Variants in MYO1H observed in about 807,000 individuals in gnomAD.
The protein encoded by MYO1H is myosin IH, also known as unconventional myosin-Ih.
Under a neutral mutation model 149.3 loss-of-function variants are expected in MYO1H, and 118 were observed. That is an observed-to-expected ratio of 0.79 (90% confidence interval 0.68 to 0.92). MYO1H has a LOEUF of 0.92. Ranked by LOEUF, MYO1H falls within the 40% of genes least tolerant of loss-of-function variation. The probability of loss-of-function intolerance (pLI) is 0.00; values close to 1 mark genes in which losing one functional copy is unlikely to be tolerated. For synonymous variants in MYO1H, 447 were observed against 465.2 expected (o/e 0.96, Z 0.50); for missense variants, 1,212 against 1,280.7 (o/e 0.95, Z 0.82).
At chr12:109,337,949 A>G in the MYO1H span, among the ~76,000 whole-genome samples, 1 of 152,190 alleles carries the variant, frequency 6.6e-6, no homozygotes. Flanking sequence ...GGATCTCTAC[A>G]TAGGTACAAA....
intron 27 of MYO1H, among the ~76,000 whole-genome samples, chr12:109,442,524 T>C (rs993209325): frequency 2.0e-5 from 3 of 152,180 alleles, no homozygotes; most frequent in African/African-American, 7.2e-5. Flanking sequence ...CAAAATTGAA[T>C]GAAGTGTAGC....
chr12:109,416,814 C>T (rs1429355584), intron 15 of MYO1H, among the ~76,000 whole-genome samples: 2 of 152,066 alleles, frequency 1.3e-5, no homozygotes, highest in African/African-American at 2.4e-5. Flanking sequence ...ATAGTGAAGC[C>T]CCATCTCTAC....
rs1452399919 is a variant in MYO1H, at chr12:109,442,133, A to G, written c.2633-84A>G. 2.6e-6 allele frequency: 3 copies of G among 1,137,366 alleles called. No individual in the cohort carries two copies. The South Asian group carries it at 3.8e-5, about 14-fold the overall frequency. 70.5% of individuals were successfully genotyped at this position (1,137,366 alleles called of 1,614,324 possible). A position where few individuals can be genotyped will look rare whatever the true frequency, so the allele number is the denominator to read the frequency against. Reference sequence around the variant, plus strand: ...ACCTGAGATCTTAGCACAGAGATGCATAACAAAACTAGCAGATACCAATGA... The same window carrying G: ...ACCTGAGATCTTAGCACAGAGATGCGTAACAAAACTAGCAGATACCAATGA... On this transcript the variant is annotated intron_variant, in intron 26 of 31. Transcript: ENST00000310903.
At position 109,361,517 on chromosome 12, in the gene MYO1H, A is replaced by AT. The variant is rs1470509935; in HGVS notation, c.12+13545_12+13546insT. Among the ~76,000 whole-genome samples, 6 of 152,328 alleles carry AT rather than the reference A, an allele frequency of 3.9e-5. No individual in the cohort carries two copies. In the East Asian group the frequency reaches 1.2e-3, roughly 29 times the overall value. Reference sequence around the variant, plus strand: ...TTATGTCTTAATATGTGTCACAAAAACTAGCAGGCCAGGTGCAGTGGCTCA... The same window carrying AT: ...TTATGTCTTAATATGTGTCACAAAAATCTAGCAGGCCAGGTGCAGTGGCTCA... On this transcript the variant is annotated intron_variant, in intron 1 of 31. Coordinates refer to ENST00000310903, the Ensembl canonical transcript of MYO1H.
chr12:109,434,058 A>G (rs1303649837), intron 20 of MYO1H, among the ~76,000 whole-genome samples: 2 of 152,082 alleles, frequency 1.3e-5, no homozygotes, highest in African/African-American at 4.8e-5. Context: ...TCTGTCACCC[A>G]GGCTGCAGTG....
upstream of MYO1H, among the ~76,000 whole-genome samples, chr12:109,344,925 A>G (rs958014387): frequency 3.3e-5 from 5 of 152,230 alleles, no homozygotes; most frequent in African/African-American, 1.2e-4. Flanking sequence ...GCCACATGCA[A>G]TGTTATAAAG....
At chr12:109,404,820 TAAAC>T (rs747493068) in intron 7 of MYO1H, among the ~76,000 whole-genome samples, 34 of 151,530 alleles carry the variant, frequency 2.2e-4, no homozygotes, top group Non-Finnish European at 3.5e-4. Context: ...GTAGAATTTA[TAAAC>T]AATTTGTTTT....
At chr12:109,401,961 A>C (rs1870187186) in intron 6 of MYO1H, among the ~76,000 whole-genome samples, 1 of 152,084 alleles carries the variant, frequency 6.6e-6, no homozygotes, top group Non-Finnish European at 1.5e-5. Flanking sequence ...GCTGGTCTCA[A>C]ACTCCTGAGC....
At chr12:109,367,292 C>G (rs1458738953) in intron 1 of MYO1H, among the ~76,000 whole-genome samples, 1 of 151,988 alleles carries the variant, frequency 6.6e-6, no homozygotes, top group Admixed American at 6.6e-5. Context: ...CTCCTTAGAC[C>G]CTTAGGAAGG....
At chr12:109,399,389 C>T (rs988832458) in intron 5 of MYO1H, among the ~76,000 whole-genome samples, 2 of 151,232 alleles carry the variant, frequency 1.3e-5, no homozygotes, top group African/African-American at 2.4e-5. Flanking sequence ...GTCAGGAGTT[C>T]GAGACCAGCC....
intron 10 of MYO1H, among the ~76,000 whole-genome samples, chr12:109,409,212 TCTC>T (rs1195775045): frequency 5.4e-5 from 7 of 128,644 alleles, no homozygotes; most frequent in Admixed American, 1.8e-4. Context: ...TCCTTCTTCT[TCTC>T]CTTCTTCTTT....
the MYO1H span, among the ~76,000 whole-genome samples, chr12:109,318,966 GGTTTTGTTTTTTTT>G: frequency 1.6e-5 from 1 of 61,238 alleles, no homozygotes; most frequent in African/African-American, 7.5e-5. Context: ...CTGCGTTTTT[GGTTTTGTTTTTTTT>G]TTTTTTTTTT....
At position 109,424,846 on chromosome 12, in the gene MYO1H, C is replaced by T. The variant is rs1025286369; in HGVS notation, c.1725+18C>T. ...CCCCAACAGTGAGTGGGAAAAACAC[C>T]CATGCAAAATTGGATCTCACCAGAG... On this transcript the variant is annotated intron_variant, in intron 17 of 31. Transcript: ENST00000310903. The T allele has an allele frequency of 2.5e-6, 4 of 1,608,164 alleles. No individual in the cohort carries two copies. The African/African-American group carries it at 5.4e-5, about 22-fold the overall frequency.
intron 1 of MYO1H, among the ~76,000 whole-genome samples, chr12:109,377,099 A>G (rs79759634): frequency 0.039 from 6,007 of 152,296 alleles, 139 homozygotes; most frequent in Middle Eastern, 0.054. Context: ...GTTTCAAAAC[A>G]TTTCCATCAC....
intron 1 of MYO1H, among the ~76,000 whole-genome samples, chr12:109,373,832 G>C (rs1343518218): frequency 6.6e-6 from 1 of 152,074 alleles, no homozygotes; most frequent in Admixed American, 6.6e-5. Flanking sequence ...ACCTGTAAAA[G>C]TATTCTCTAG....
chr12:109,318,966 G>GTTTTTTTT, the MYO1H span, among the ~76,000 whole-genome samples: 4,089 of 59,472 alleles, frequency 0.069, 295 homozygotes, highest in Middle Eastern at 0.12. Flanking sequence ...CTGCGTTTTT[G>GTTTTTTTT]GTTTTGTTTT....
chr12:109,444,122 G>C, intron 28 of MYO1H, 91 bp from the exon 29 acceptor site: 2 of 929,132 alleles, frequency 2.2e-6, no homozygotes, highest in Non-Finnish European at 3.6e-6. Context: ...ATGAAGTGTG[G>C]TGTTGGGCAG....
exon 17 of MYO1H, chr12:109,424,763 A>G (rs765286192): frequency 1.2e-6 from 2 of 1,613,894 alleles, no homozygotes; most frequent in South Asian, 1.1e-5. Context: ...GTGCAAGTCC[A>G]AGAACATTAT....
At chr12:109,436,987 C>T (rs902645474) in intron 22 of MYO1H, among the ~76,000 whole-genome samples, 2 of 152,064 alleles carry the variant, frequency 1.3e-5, no homozygotes, top group Admixed American at 1.3e-4. Context: ...TGCCTGTAGT[C>T]CCAGCTACTT....
Sources: allele counts gnomAD v4.1 joint callset (sites outside exome capture counted in the v4.1 genomes callset), GRCh38; gene constraint gnomAD v4.1.1; transcripts MANE v1.5; gene names NCBI Gene and HGNC (gene_info 2026-07-23, HGNC 2026-07-21).